The following NRXN1 variants were observed in gnomAD, a reference collection of about 807,000 sequenced individuals.
NRXN1 encodes neurexin 1, also known as neurexin-1.
Under a neutral mutation model 150.9 loss-of-function variants are expected in NRXN1, and 39 were observed. That is an observed-to-expected ratio of 0.26 (90% CI 0.20 to 0.34). NRXN1 has a LOEUF of 0.34. NRXN1 is among the 10% of genes least tolerant of loss of function. NRXN1 has a pLI of 1.00. For synonymous variants in NRXN1, 924 were observed against 757.0 expected (o/e 1.22, Z -3.62); for missense variants, 1,815 against 1,949.9 (o/e 0.93, Z 1.30).
intron 2 of NRXN1, among the ~76,000 whole-genome samples, chr2:51,013,500 G>A (rs1312895446): frequency 6.6e-6 from 1 of 151,218 alleles, no homozygotes; most frequent in Admixed American, 6.6e-5. Flanking sequence ...GGAGGGGAGA[G>A]TATTTGTTTT....
intron 5 of NRXN1, among the ~76,000 whole-genome samples, chr2:50,667,734 A>G (rs1688277955): frequency 1.3e-5 from 2 of 151,922 alleles, no homozygotes; most frequent in South Asian, 4.1e-4. Context: ...TCTTATCTTT[A>G]CCACCTATAT....
intron 19 of NRXN1, among the ~76,000 whole-genome samples, chr2:50,088,965 G>A (rs1573845221): frequency 1.3e-5 from 2 of 152,226 alleles, no homozygotes; most frequent in East Asian, 1.9e-4. Context: ...AAAATGCAAT[G>A]ATGTTTGGCT....
intron 18 of NRXN1, among the ~76,000 whole-genome samples, chr2:50,233,654 A>T (rs2065163182): frequency 1.3e-5 from 2 of 152,106 alleles, no homozygotes; most frequent in Non-Finnish European, 1.5e-5. Flanking sequence ...AAGCTTACAC[A>T]AATTTTCCTT....
At chr2:50,638,561 A>C (rs1683572811) in intron 5 of NRXN1, among the ~76,000 whole-genome samples, 1 of 152,184 alleles carries the variant, frequency 6.6e-6, no homozygotes, top group Non-Finnish European at 1.5e-5. Context: ...ATGTAGTTAT[A>C]ATTCACAATA....
intron 8 of NRXN1, among the ~76,000 whole-genome samples, chr2:50,563,263 C>T (rs1367824226): frequency 2.6e-5 from 4 of 152,182 alleles, no homozygotes; most frequent in Admixed American, 6.5e-5. Context: ...CCTATTATTA[C>T]AATTATTTGC....
At chr2:50,699,506 G>A (rs1002601192) in intron 5 of NRXN1, among the ~76,000 whole-genome samples, 3 of 152,034 alleles carry the variant, frequency 2.0e-5, no homozygotes, top group East Asian at 2.0e-4. Context: ...AAGCATGAGA[G>A]GGACTTCACT....
At chr2:50,160,115 C>A (rs368495132) in intron 18 of NRXN1, among the ~76,000 whole-genome samples, 1 of 151,982 alleles carries the variant, frequency 6.6e-6, no homozygotes, top group Non-Finnish European at 1.5e-5. Context: ...ACCTTCATGG[C>A]TTTTTGACAT....
At position 50,066,855 on chromosome 2, in the gene NRXN1, T is replaced by G. The variant is rs868359428; in HGVS notation, c.3719-11811A>C. 5.9e-5 allele frequency among the ~76,000 whole-genome samples: 9 copies of G among 152,340 alleles called. 1 individual carries two copies. In the Middle Eastern group the frequency reaches 0.024, roughly 403 times the overall value. On this transcript the variant is annotated intron_variant, in intron 19 of 22. Transcript: ENST00000401669. ...AACTTCAATTTTATATTATTGATAC[T>G]GCATGTATGCACATTTCAACTTTGT...
intron 5 of NRXN1, among the ~76,000 whole-genome samples, chr2:50,744,782 T>C (rs141936184): frequency 5.1e-4 from 78 of 152,226 alleles, no homozygotes; most frequent in African/African-American, 1.8e-3. Context: ...CTGTAAAAAA[T>C]GCTGTTCTTT....
At chr2:50,091,287 A>C in intron 19 of NRXN1, 36 bp downstream of exon 19, 3 of 1,612,752 alleles carry the variant, frequency 1.9e-6, no homozygotes, top group Non-Finnish European at 2.5e-6. Flanking sequence ...TTTGTTTTTC[A>C]TAAAATCTTC....
At chr2:50,706,683 T>G (rs1475797333) in intron 5 of NRXN1, among the ~76,000 whole-genome samples, 1 of 152,164 alleles carries the variant, frequency 6.6e-6, no homozygotes, top group East Asian at 1.9e-4. Flanking sequence ...GCCAAACATG[T>G]CAATTTCATA....
At chr2:50,993,112 G>A (rs964261401) in intron 2 of NRXN1, among the ~76,000 whole-genome samples, 3 of 151,938 alleles carry the variant, frequency 2.0e-5, no homozygotes, top group African/African-American at 7.2e-5. Flanking sequence ...AAGCATACAT[G>A]TATTAGGAGT....
intron 5 of NRXN1, among the ~76,000 whole-genome samples, chr2:50,628,348 A>T (rs113366612): frequency 0.017 from 2,636 of 151,860 alleles, 80 homozygotes; most frequent in African/African-American, 0.06. Flanking sequence ...AAGTAATTCA[A>T]ATTTACATTA....
At chr2:49,989,784 G>A (rs1681606809) in intron 21 of NRXN1, among the ~76,000 whole-genome samples, 1 of 152,116 alleles carries the variant, frequency 6.6e-6, no homozygotes, top group East Asian at 1.9e-4. Flanking sequence ...ATGATTGGTA[G>A]GAAAGTAGTA....
intron 17 of NRXN1, among the ~76,000 whole-genome samples, chr2:50,401,486 G>A (rs1392439252): frequency 5.9e-5 from 9 of 151,956 alleles, no homozygotes; most frequent in Non-Finnish European, 1.0e-4. Flanking sequence ...GGGCTTAAGT[G>A]GCCCATAAAA....
intron 5 of NRXN1, among the ~76,000 whole-genome samples, chr2:50,915,366 G>A (rs185749297): frequency 1.1e-4 from 16 of 151,598 alleles, no homozygotes; most frequent in Admixed American, 9.9e-4. Flanking sequence ...TCCAGTCCAT[G>A]AAAAAATGTC....
chr2:50,742,979 T>G (rs1445357970), intron 5 of NRXN1, among the ~76,000 whole-genome samples: 1 of 152,142 alleles, frequency 6.6e-6, no homozygotes, highest in East Asian at 1.9e-4. Context: ...ATGTTCAAGG[T>G]CACTAGAACT....
intron 5 of NRXN1, among the ~76,000 whole-genome samples, chr2:50,782,149 G>A (rs1274436001): frequency 6.6e-6 from 1 of 151,624 alleles, no homozygotes; most frequent in Admixed American, 6.7e-5. Context: ...AATGGGTTAA[G>A]GTTTCACTCA....
chr2:50,705,982 G>T (rs138847783), intron 5 of NRXN1, among the ~76,000 whole-genome samples: 184 of 152,248 alleles, frequency 1.2e-3, no homozygotes, highest in African/African-American at 4.3e-3. Flanking sequence ...ATGGAGAAAA[G>T]AGGCAAACTG....
Sources: allele counts gnomAD v4.1 joint callset (sites outside exome capture counted in the v4.1 genomes callset), GRCh38; gene constraint gnomAD v4.1.1; transcripts MANE v1.5; gene names NCBI Gene and HGNC (gene_info 2026-07-23, HGNC 2026-07-21).